Variants in ANK2 observed in about 807,000 individuals in gnomAD.
ANK2 encodes ankyrin 2, also known as ankyrin-2.
In ANK2, 83 loss-of-function variants were observed where a neutral mutation model predicts 360.5. The observed-to-expected ratio is 0.23, with a 90% confidence interval of 0.19 to 0.28. The LOEUF (loss-of-function observed/expected upper bound fraction) is 0.28, where lower values mean the gene tolerates loss of function less well. ANK2 is among the 10% of genes least tolerant of loss of function. The probability of loss-of-function intolerance (pLI) is 1.00; values close to 1 mark genes in which losing one functional copy is unlikely to be tolerated. For synonymous variants in ANK2, 1,740 were observed against 1,759.5 expected (o/e 0.99, Z 0.28); for missense variants, 4,201 against 4,795.7 (o/e 0.88, Z 3.66).
chr4:112,991,220 C>G (rs2046646248), intron 2 of ANK2, among the ~76,000 whole-genome samples: 1 of 132,322 alleles, frequency 7.6e-6, no homozygotes, highest in African/African-American at 2.9e-5. Flanking sequence ...TGCATTCCAG[C>G]CTGGTGACAG....
intron 18 of ANK2, among the ~76,000 whole-genome samples, chr4:113,284,839 C>A (rs1219687458): frequency 6.6e-6 from 1 of 152,032 alleles, no homozygotes; most frequent in Admixed American, 6.6e-5. Context: ...TAAGATAATG[C>A]AACTATAAAA....
At chr4:112,956,920 C>T (rs1292552822) in intron 2 of ANK2, among the ~76,000 whole-genome samples, 1 of 151,232 alleles carries the variant, frequency 6.6e-6, no homozygotes, top group African/African-American at 2.4e-5. Context: ...GAGGTAGGCA[C>T]TACCTCTACT....
Position 113,249,848 on chromosome 4 carries a change from C to T in ANK2, c.976C>T (p.Leu326=), listed in dbSNP as rs1586091773. Reference sequence around the variant, plus strand: ...TCTGTTGGAACGGGGTGCCCCCTTGCTGGCAAGGACTAAGGTGAGTCATTA... The same window carrying T: ...TCTGTTGGAACGGGGTGCCCCCTTGTTGGCAAGGACTAAGGTGAGTCATTA... ...ELLLERGAPL[L]ARTKNGLSPL... is the part of the protein sequence containing the mutation. Residue 326 remains leucine (L), a synonymous_variant, in exon 10 of 46, where the codon CTG becomes TTG. Transcript: ENST00000357077. 6.2e-7 allele frequency: 1 copy of T among 1,614,010 alleles called. No individual in the cohort carries two copies. The highest frequency in any genetic ancestry group is 2.2e-5 in the East Asian group (1 of 44,870).
the ANK2 span, among the ~76,000 whole-genome samples, chr4:112,796,462 A>G: frequency 1.3e-5 from 1 of 74,648 alleles, no homozygotes; most frequent in Non-Finnish European, 2.3e-5. Context: ...CTATCTATAT[A>G]TATACACACA....
intron 1 of ANK2, among the ~76,000 whole-genome samples, chr4:112,825,751 A>G (rs1318703807): frequency 6.6e-6 from 1 of 152,196 alleles, no homozygotes; most frequent in African/African-American, 2.4e-5. Flanking sequence ...AAATTTGTAC[A>G]TTTTTGTGCT....
At chr4:113,258,594 G>C (rs1291905833) in intron 13 of ANK2, among the ~76,000 whole-genome samples, 183 bp downstream of exon 13, 1 of 152,150 alleles carries the variant, frequency 6.6e-6, no homozygotes, top group Non-Finnish European at 1.5e-5. Flanking sequence ...AACCTGGATA[G>C]GGTAAGAGGT....
intron 14 of ANK2, among the ~76,000 whole-genome samples, chr4:113,269,783 AG>A: frequency 6.6e-6 from 1 of 152,240 alleles, no homozygotes. Flanking sequence ...GGTTGGACTC[AG>A]AAACTCAAAA....
chr4:113,210,850 G>A (rs541211179), intron 4 of ANK2, among the ~76,000 whole-genome samples: 4 of 152,146 alleles, frequency 2.6e-5, no homozygotes, highest in Admixed American at 6.5e-5. Context: ...ATCAGTTTTT[G>A]TTGGTTCTTT....
At chr4:113,012,326 A>G (rs1002214607) in intron 2 of ANK2, among the ~76,000 whole-genome samples, 1 of 152,160 alleles carries the variant, frequency 6.6e-6, no homozygotes, top group Non-Finnish European at 1.5e-5. Context: ...TGATTTGGTT[A>G]TGCATCTGAC....
At chr4:113,372,670 C>A (rs1564177271) in intron 43 of ANK2, 1 of 1,334,438 alleles carries the variant, frequency 7.5e-7, no homozygotes, top group African/African-American at 1.4e-5. Context: ...GTCCTGTCCC[C>A]ATATTCTAAG....
chr4:112,881,173 C>T (rs771381477), intron 1 of ANK2, among the ~76,000 whole-genome samples: 7 of 152,178 alleles, frequency 4.6e-5, no homozygotes, highest in Non-Finnish European at 8.8e-5. Flanking sequence ...TGTGGTGGCT[C>T]ATGCCTGTAA....
chr4:112,811,170 C>G, the ANK2 span, among the ~76,000 whole-genome samples: 2 of 151,352 alleles, frequency 1.3e-5, no homozygotes, highest in East Asian at 3.9e-4. Context: ...ATTTCCTGAC[C>G]TCGTAATCCA....
intron 24 of ANK2, among the ~76,000 whole-genome samples, chr4:113,316,937 G>A (rs902864239): frequency 2.6e-5 from 4 of 152,204 alleles, no homozygotes; most frequent in Non-Finnish European, 5.9e-5. Context: ...GTGCTGGCAG[G>A]TGTGTCTGTG....
At chr4:112,788,501 A>T in the ANK2 span, 1 of 1,583,240 alleles carries the variant, frequency 6.3e-7, no homozygotes, top group Admixed American at 1.7e-5. Context: ...CTTGGTGGGG[A>T]CGTCCCCTTT....
chr4:113,012,620 A>G (rs961295), intron 2 of ANK2, among the ~76,000 whole-genome samples: 85,307 of 152,026 alleles, frequency 0.56, 25,827 homozygotes, highest in Non-Finnish European at 0.69. Flanking sequence ...TGTGGCAAAC[A>G]TATAATTTTA....
At chr4:112,718,335 C>T in the ANK2 span, among the ~76,000 whole-genome samples, 9 of 152,236 alleles carry the variant, frequency 5.9e-5, no homozygotes, top group Admixed American at 5.9e-4. Flanking sequence ...TTTTGTTTTT[C>T]GGACAGTCTT....
At position 112,907,276 on chromosome 4, in the gene ANK2, T is replaced by G. The variant is rs140552229; in HGVS notation, c.21+2762T>G. On this transcript the variant is annotated intron_variant, in intron 2 of 30. Coordinates refer to the ANK2 transcript ENST00000503271. Reference sequence around the variant, plus strand: ...TTAATATGTCCATTTAACTAGAAACTCTAAATTTCTGTGTCCCATTTGACT... The same window carrying G: ...TTAATATGTCCATTTAACTAGAAACGCTAAATTTCTGTGTCCCATTTGACT... 2.5e-3 allele frequency among the ~76,000 whole-genome samples: 384 copies of G among 152,332 alleles called. 2 individuals carry two copies. Among genetic ancestry groups the G allele is most frequent in the African/African-American group, 8.7e-3 (361 of 41,578 alleles).
chr4:113,164,675 T>C (rs2097689851), intron 1 of ANK2, among the ~76,000 whole-genome samples: 1 of 152,204 alleles, frequency 6.6e-6, no homozygotes, highest in South Asian at 2.1e-4. Flanking sequence ...ATGCGTAGCA[T>C]AATGAAAAAT....
At chr4:112,756,153 G>C in the ANK2 span, among the ~76,000 whole-genome samples, 102 of 151,234 alleles carry the variant, frequency 6.7e-4, no homozygotes, top group African/African-American at 2.4e-3. Context: ...CAGGAGAATG[G>C]TGTGAACCCG....
Sources: gnomAD v4.1 joint callset for allele counts (sites outside exome capture counted in the v4.1 genomes callset) on GRCh38, gnomAD v4.1.1 for gene constraint, MANE v1.5 for transcripts, NCBI Gene and HGNC (gene_info 2026-07-23, HGNC 2026-07-21) for gene names.